DPYD: variants seen among roughly 807,000 people sequenced by gnomAD.
DPYD encodes the protein dihydropyrimidine dehydrogenase.
DPYD carries 109 observed loss-of-function variants against 116.2 expected under a neutral mutation model. The ratio of observed to expected loss-of-function variants is 0.94; its 90% CI spans 0.80 to 1.10. DPYD has a LOEUF of 1.10. DPYD is among the 50% of genes least tolerant of loss of function. DPYD has a pLI of 0.00. For synonymous variants in DPYD, 440 were observed against 432.0 expected (o/e 1.02, Z -0.23); for missense variants, 1,302 against 1,254.5 (o/e 1.04, Z -0.57).
At chr1:97,728,234 T>A (rs2101041924) in intron 4 of DPYD, among the ~76,000 whole-genome samples, 1 of 152,208 alleles carries the variant, frequency 6.6e-6, no homozygotes, top group East Asian at 1.9e-4. Context: ...CATTGAATGT[T>A]CTTTGGCCCA....
At chr1:97,425,949 A>G (rs1372295414) in intron 14 of DPYD, among the ~76,000 whole-genome samples, 1 of 148,560 alleles carries the variant, frequency 6.7e-6, no homozygotes, top group African/African-American at 2.6e-5. Context: ...TAAAGCAAAC[A>G]TTAAAAAAAA....
chr1:97,625,896 C>A (rs1447216669), intron 8 of DPYD, among the ~76,000 whole-genome samples: 1 of 152,018 alleles, frequency 6.6e-6, no homozygotes, highest in Non-Finnish European at 1.5e-5. Flanking sequence ...CAACCTTATA[C>A]AATAATTGTG....
At chr1:97,117,959 T>C (rs1435232348) in intron 20 of DPYD, among the ~76,000 whole-genome samples, 2 of 152,162 alleles carry the variant, frequency 1.3e-5, no homozygotes, top group Admixed American at 6.5e-5. Context: ...CTCTAGATTT[T>C]CTGACCAAAT....
chr1:97,688,527 T>C (rs771268404), intron 7 of DPYD, among the ~76,000 whole-genome samples: 75 of 152,196 alleles, frequency 4.9e-4, no homozygotes, highest in Non-Finnish European at 8.7e-4. Flanking sequence ...TTGGAGAAGA[T>C]GACAACTTCC....
intron 3 of DPYD, among the ~76,000 whole-genome samples, chr1:97,798,588 T>G (rs1321617182): frequency 6.6e-6 from 1 of 151,856 alleles, no homozygotes; most frequent in Non-Finnish European, 1.5e-5. Flanking sequence ...TACCTCACAG[T>G]ATTGAGGTGA....
intron 14 of DPYD, among the ~76,000 whole-genome samples, chr1:97,432,192 T>C (rs1466697081): frequency 6.6e-6 from 1 of 152,136 alleles, no homozygotes; most frequent in Non-Finnish European, 1.5e-5. Context: ...ATCTCTTTGA[T>C]ATAGTGATTT....
At chr1:97,706,825 T>G (rs553499070) in intron 5 of DPYD, among the ~76,000 whole-genome samples, 55 of 152,248 alleles carry the variant, frequency 3.6e-4, no homozygotes, top group African/African-American at 1.3e-3. Context: ...AATATCCATG[T>G]GCAGGTTTGC....
At chr1:97,402,328 T>C (rs913730458) in intron 14 of DPYD, among the ~76,000 whole-genome samples, 1 of 152,114 alleles carries the variant, frequency 6.6e-6, no homozygotes, top group African/African-American at 2.4e-5. Context: ...CTCACACAGA[T>C]CTTGTCATAT....
chr1:97,677,720 G>A (rs1404281931), intron 8 of DPYD, among the ~76,000 whole-genome samples: 1 of 152,116 alleles, frequency 6.6e-6, no homozygotes, highest in Non-Finnish European at 1.5e-5. Flanking sequence ...GAGACATTTA[G>A]GAGCTAGAAG....
At chr1:97,221,545 A>T (rs1393362772) in intron 19 of DPYD, among the ~76,000 whole-genome samples, 1 of 152,110 alleles carries the variant, frequency 6.6e-6, no homozygotes, top group Non-Finnish European at 1.5e-5. Flanking sequence ...ACTCTTTATA[A>T]TATATTTTGC....
At chr1:97,323,116 C>CAT (rs903521357) in intron 16 of DPYD, among the ~76,000 whole-genome samples, 3 of 148,902 alleles carry the variant, frequency 2.0e-5, no homozygotes, top group South Asian at 2.1e-4. Context: ...TATATATATG[C>CAT]ATATATATGT....
At chr1:97,510,854 T>C (rs1266291742) in intron 13 of DPYD, among the ~76,000 whole-genome samples, 2 of 151,978 alleles carry the variant, frequency 1.3e-5, no homozygotes, top group Non-Finnish European at 2.9e-5. Context: ...CCTAGAACAC[T>C]ACTAGCCTTG....
intron 20 of DPYD, among the ~76,000 whole-genome samples, chr1:97,136,199 T>A (rs978475920): frequency 6.6e-6 from 1 of 152,226 alleles, no homozygotes; most frequent in Admixed American, 6.5e-5. Flanking sequence ...AAATCCAGCA[T>A]GATCCTAAAT....
intron 13 of DPYD, among the ~76,000 whole-genome samples, chr1:97,462,213 G>GA (rs1476239146): frequency 2.6e-5 from 4 of 152,202 alleles, no homozygotes; most frequent in Middle Eastern, 3.4e-3. Flanking sequence ...CATTACTACA[G>GA]AAAAAAATGA....
intron 18 of DPYD, among the ~76,000 whole-genome samples, chr1:97,251,391 TAAA>T (rs10581072): frequency 0.16 from 15,118 of 95,414 alleles, 1,019 homozygotes; most frequent in Middle Eastern, 0.25. Context: ...AAACTCTGTC[TAAA>T]AAAAAAAAAA....
chr1:97,815,641 T>C (rs767934566), intron 3 of DPYD, among the ~76,000 whole-genome samples: 3 of 152,072 alleles, frequency 2.0e-5, no homozygotes. Flanking sequence ...ACCAGGAGAT[T>C]AGAAAATGAA....
chr1:97,416,630 A>G lies in DPYD; in HGVS notation c.1905+33429T>C, dbSNP rs187177969. On this transcript the variant is annotated intron_variant, in intron 14 of 22. Coordinates refer to ENST00000370192, the MANE Select transcript of DPYD (RefSeq NM_000110.4). ...GTCAGCAGTTGGCATTGCCTGTGGT[A>G]GAAAGCTTCACATTATTCTTGGTGA... Among the ~76,000 whole-genome samples the G allele has an allele frequency of 3.3e-5, 5 of 152,314 alleles. No individual in the cohort carries two copies. The East Asian group carries it at 9.6e-4, about 29-fold the overall frequency.
At chr1:97,626,364 TC>T (rs1402849391) in intron 8 of DPYD, among the ~76,000 whole-genome samples, 1 of 152,054 alleles carries the variant, frequency 6.6e-6, no homozygotes, top group Non-Finnish European at 1.5e-5. Context: ...TTCAACTATT[TC>T]TTTTTTAGAA....
chr1:97,837,766 A>G (rs1669839944), intron 2 of DPYD, among the ~76,000 whole-genome samples: 1 of 152,168 alleles, frequency 6.6e-6, no homozygotes, highest in African/African-American at 2.4e-5. Flanking sequence ...CTCCATCCTG[A>G]AAAACCAAAT....
Sources: gnomAD v4.1 joint callset for allele counts (sites outside exome capture counted in the v4.1 genomes callset) on GRCh38, gnomAD v4.1.1 for gene constraint, MANE v1.5 for transcripts, NCBI Gene and HGNC (gene_info 2026-07-23, HGNC 2026-07-21) for gene names.